PPP1R12A: variants seen among roughly 807,000 people sequenced by gnomAD.
PPP1R12A encodes the protein myosin binding subunit.
A neutral mutation model predicts 139.6 loss-of-function variants in PPP1R12A; 19 were observed. That is an observed-to-expected ratio of 0.14 (90% CI 0.09 to 0.20). The LOEUF (loss-of-function observed/expected upper bound fraction) is 0.20, where lower values mean the gene tolerates loss of function less well. PPP1R12A is among the 10% of genes least tolerant of loss of function. The pLI is 1.00. For synonymous variants in PPP1R12A, 427 were observed against 420.6 expected (o/e 1.02, Z -0.19); for missense variants, 925 against 1,211.5 (o/e 0.76, Z 3.51).
chr12:79,806,323 C>A lies in PPP1R12A; in HGVS notation c.1666G>T (p.Gly556Cys). 1 of 1,613,018 alleles carries A rather than the reference C, an allele frequency of 6.2e-7. No individual in the cohort carries two copies. The highest frequency in any genetic ancestry group is 1.3e-5 in the African/African-American group (1 of 74,932). The change falls in exon 13 of 25, where the codon GGT (glycine) becomes TGT (cysteine). Residue 556 changes from glycine (G) to cysteine (C), a missense_variant. Physicochemically the swap from Gly to Cys is radical, Grantham distance 159. This residue lies in a region of PPP1R12A where 403 missense variants were observed against 463.7 expected (regional missense o/e 0.87). Coordinates refer to ENST00000450142, the MANE Select transcript of PPP1R12A (RefSeq NM_002480.3). ...GSTYHKSCSF[G>C]RRQDDLISSS... ...CTAATCAAATCATCTTGTCTTCTACCAAAGGAGCAACTAAACAAAAGAGTC... is the reference window on the plus strand; with the variant it reads ...CTAATCAAATCATCTTGTCTTCTACAAAAGGAGCAACTAAACAAAAGAGTC...
At chr12:79,810,049 T>C (rs117731434) in intron 9 of PPP1R12A, 39 bp from the exon 10 acceptor site, 41 of 1,467,974 alleles carry the variant, frequency 2.8e-5, no homozygotes, top group Non-Finnish European at 3.7e-5. Flanking sequence ...AAAAAAGAAT[T>C]TGTAAAGCTG....
chr12:79,904,760 C>A (rs1369925966), intron 1 of PPP1R12A, among the ~76,000 whole-genome samples: 2 of 152,172 alleles, frequency 1.3e-5, no homozygotes, highest in African/African-American at 2.4e-5. Flanking sequence ...ATATTCAACT[C>A]TGAAAGGCAA....
chr12:79,869,934 T>TATTATTATTATTATA (rs888120483), intron 2 of PPP1R12A, among the ~76,000 whole-genome samples: 3 of 150,100 alleles, frequency 2.0e-5, no homozygotes, highest in Admixed American at 6.6e-5. Context: ...TTATTATTAT[T>TATTATTATTATTATA]ATAAGTGCTT....
chr12:79,905,348 CA>C (rs1367478622), intron 1 of PPP1R12A, among the ~76,000 whole-genome samples: 12 of 115,584 alleles, frequency 1.0e-4, no homozygotes, highest in African/African-American at 3.5e-4. Context: ...CGCCCCCCCC[CA>C]CCCCTTTTTT....
chr12:79,869,903 C>CTATTATTAT (rs200825139), intron 2 of PPP1R12A, among the ~76,000 whole-genome samples: 7,585 of 145,356 alleles, frequency 0.052, 497 homozygotes, highest in African/African-American at 0.16. Flanking sequence ...ACTATTGTCT[C>CTATTATTAT]TATTATTATT....
chr12:79,926,376 A>G (rs995908093), intron 1 of PPP1R12A, among the ~76,000 whole-genome samples: 3 of 152,088 alleles, frequency 2.0e-5, no homozygotes, highest in Non-Finnish European at 4.4e-5. Flanking sequence ...TTTTTAGTAG[A>G]GATGGGGTTT....
Position 79,795,733 on chromosome 12 carries a change from C to T in PPP1R12A, c.2488G>A (p.Glu830Lys). The change falls in exon 18 of 25, where the codon GAA (glutamate) becomes AAA (lysine). Residue 830 changes from glutamate (E) to lysine (K), a missense_variant. Around this residue, in one of 4 missense-constraint regions of PPP1R12A, gnomAD observed 315 missense variants for 363.4 expected, o/e 0.87. Transcript: ENST00000450142. ...TTAGGTTGTGATTTATCTTCTCCTT[C>T]TTTCTCCTCTTCTCTTTTTTCTCCC... ...REGEKREEEKEGEDKSQPKSI... is the reference protein window; with the variant it reads ...REGEKREEEKKGEDKSQPKSI... 6.2e-7 allele frequency: 1 copy of T among 1,611,162 alleles called. No homozygotes were observed. The highest frequency in any genetic ancestry group is 8.5e-7 in the Non-Finnish European group (1 of 1,178,134).
At chr12:79,796,381 G>T (rs1872519075) in intron 17 of PPP1R12A, among the ~76,000 whole-genome samples, 1 of 152,096 alleles carries the variant, frequency 6.6e-6, no homozygotes, top group South Asian at 2.1e-4. Flanking sequence ...AGCATTACAT[G>T]TAGTTAGTAA....
intron 4 of PPP1R12A, among the ~76,000 whole-genome samples, chr12:79,831,300 G>A (rs567103270): frequency 1.6e-4 from 25 of 152,146 alleles, no homozygotes; most frequent in Non-Finnish European, 2.8e-4. Context: ...GAAAAGAGGA[G>A]GCTGGGTGGT....
At chr12:79,923,963 G>GGTT (rs1407290090) in intron 1 of PPP1R12A, among the ~76,000 whole-genome samples, 1 of 152,134 alleles carries the variant, frequency 6.6e-6, no homozygotes, top group African/African-American at 2.4e-5. Context: ...AGAATCACTT[G>GGTT]AACCTGGGAG....
chr12:79,799,517 T>C (rs1237699830), intron 14 of PPP1R12A, among the ~76,000 whole-genome samples: 5 of 152,216 alleles, frequency 3.3e-5, no homozygotes, highest in African/African-American at 9.6e-5. Context: ...TTCATACTTT[T>C]GAGTGCTCTA....
chr12:79,875,108 G>A (rs1399229180), intron 1 of PPP1R12A, among the ~76,000 whole-genome samples: 1 of 152,026 alleles, frequency 6.6e-6, no homozygotes, highest in Non-Finnish European at 1.5e-5. Flanking sequence ...ACCTCTACTA[G>A]ATTGTAAACT....
At chr12:79,870,403 C>A (rs985691305) in intron 2 of PPP1R12A, among the ~76,000 whole-genome samples, 1 of 152,132 alleles carries the variant, frequency 6.6e-6, no homozygotes, top group African/African-American at 2.4e-5. Context: ...CATGCCCAAC[C>A]TGCTAAAAGA....
chr12:79,882,850 T>C (rs1883763391), intron 1 of PPP1R12A, among the ~76,000 whole-genome samples: 1 of 151,988 alleles, frequency 6.6e-6, no homozygotes, highest in African/African-American at 2.4e-5. Flanking sequence ...GTCAAGACCC[T>C]CCACTAGGCC....
intron 2 of PPP1R12A, among the ~76,000 whole-genome samples, chr12:79,855,605 A>G (rs1260694625): frequency 6.6e-6 from 1 of 152,144 alleles, no homozygotes; most frequent in East Asian, 1.9e-4. Context: ...AAGAAAAGTA[A>G]AAGTTTTTCA....
intron 24 of PPP1R12A, among the ~76,000 whole-genome samples, chr12:79,776,868 G>A (rs1869791023): frequency 6.6e-6 from 1 of 151,992 alleles, no homozygotes; most frequent in Non-Finnish European, 1.5e-5. Context: ...TTCCAAAATA[G>A]TCCTCTTTCC....
chr12:79,803,203 C>T (rs1422900241), intron 14 of PPP1R12A, among the ~76,000 whole-genome samples: 1 of 152,214 alleles, frequency 6.6e-6, no homozygotes, highest in Non-Finnish European at 1.5e-5. Context: ...AAACACATTT[C>T]CTTTATTTGA....
intron 24 of PPP1R12A, chr12:79,777,128 T>C: frequency 4.4e-6 from 4 of 902,628 alleles, no homozygotes; most frequent in Non-Finnish European, 5.3e-6. Flanking sequence ...AAAAACATAA[T>C]GCATGCTTAA....
Position 79,915,315 on chromosome 12 carries a change from T to C in PPP1R12A, c.237+19380A>G, listed in dbSNP as rs1886906980. ...AAAAAGAAATTGGAACACAGGTTTG[T>C]TTTTCTCTGTAGAACTAACTTTGTT... On this transcript the variant is annotated intron_variant, in intron 1 of 24. Coordinates refer to ENST00000450142, the MANE Select transcript of PPP1R12A (RefSeq NM_002480.3). 2.0e-5 allele frequency among the ~76,000 whole-genome samples: 3 copies of C among 152,210 alleles called. No individual in the cohort carries two copies. The South Asian group carries it at 6.2e-4, about 32-fold the overall frequency.
Sources: allele counts gnomAD v4.1 joint callset (sites outside exome capture counted in the v4.1 genomes callset), GRCh38; gene constraint gnomAD v4.1.1; regional missense constraint gnomAD v4.1.1; transcripts MANE v1.5; gene names NCBI Gene and HGNC (gene_info 2026-07-23, HGNC 2026-07-21).